Variants in TBCD observed in about 807,000 individuals in gnomAD.
TBCD encodes the protein tubulin folding cofactor D, also known as tubulin-specific chaperone D.
TBCD carries 105 observed loss-of-function variants against 169.3 expected under a neutral mutation model. The observed-to-expected ratio is 0.62, with a 90% CI of 0.53 to 0.73. TBCD has a LOEUF of 0.73. Ranked by LOEUF, TBCD falls within the 30% of genes least tolerant of loss-of-function variation. TBCD has a pLI of 0.00. For synonymous variants in TBCD, 700 were observed against 643.9 expected (o/e 1.09, Z -1.32); for missense variants, 1,444 against 1,600.1 (o/e 0.90, Z 1.66).
rs1289252851 is a variant in TBCD at position 82,874,233 on chromosome 17, T to TTTC, written c.1475+3855_1475+3857dup. Among the ~76,000 whole-genome samples the TTTC allele has an allele frequency of 6.6e-6, 1 of 151,962 alleles. No individual in the cohort carries two copies. The highest frequency in any genetic ancestry group is 1.5e-5 in the Non-Finnish European group (1 of 67,948). On this transcript the variant is annotated intron_variant, in intron 14 of 38. Transcript: ENST00000355528. This position sits in a 1 kb window ranked among gnomAD's most constrained non-coding sequence, Gnocchi z 5.0. ...GCAAGGGGGTCCTGGGACTCCTGAG[T>TTTC]TTCTCAGGCCTGAAGGACTGTAGGA...
chr17:82,886,991 G>T (rs529505422), intron 15 of TBCD, among the ~76,000 whole-genome samples: 2 of 151,894 alleles, frequency 1.3e-5, no homozygotes, highest in South Asian at 4.2e-4. Flanking sequence ...GAGTTTTAAA[G>T]ACTAATGCAG....
chr17:82,805,070 G>A (rs1006701335), intron 9 of TBCD, among the ~76,000 whole-genome samples: 3 of 152,236 alleles, frequency 2.0e-5, no homozygotes, highest in African/African-American at 7.2e-5. Flanking sequence ...AGGGCCCACA[G>A]CCAGGCGGCC....
In TBCD at chr17:82,845,959, G is replaced by A. The variant is rs184373010; in HGVS notation, c.1319-24265G>A. ...ATGAAAACTCTGCGGAAAATCCACAGGCCTGGCATCAGCCTCCCAGTCTGA... is the reference window on the plus strand; with the variant it reads ...ATGAAAACTCTGCGGAAAATCCACAAGCCTGGCATCAGCCTCCCAGTCTGA... On this transcript the variant is annotated intron_variant, in intron 13 of 38. Coordinates refer to ENST00000355528, the MANE Select transcript of TBCD (RefSeq NM_005993.5). Among the ~76,000 whole-genome samples the A allele has an allele frequency of 6.8e-4, 103 of 152,372 alleles. 1 individual carries two copies. Among genetic ancestry groups the A allele is most frequent in the Admixed American group, 6.7e-3 (102 of 15,310 alleles).
Position 82,920,492 on chromosome 17 carries a change from G to A in TBCD, c.2039-64G>A. ...ACAACTCAGAATGTGGCAAAGGCAAGCCGCTGTGGCAGGCGCTTTTAGAAA... is the reference window on the plus strand; with the variant it reads ...ACAACTCAGAATGTGGCAAAGGCAAACCGCTGTGGCAGGCGCTTTTAGAAA... On this transcript the variant is annotated intron_variant, in intron 23 of 38. Coordinates refer to ENST00000355528, the MANE Select transcript of TBCD (RefSeq NM_005993.5). This position sits in a 1 kb window ranked among gnomAD's most constrained non-coding sequence, Gnocchi z 4.1. The A allele has an allele frequency of 7.1e-7, 1 of 1,416,446 alleles. No individual in the cohort carries two copies. The highest frequency in any genetic ancestry group is 1.3e-5 in the South Asian group (1 of 78,746). 87.7% of individuals were successfully genotyped at this position (1,416,446 alleles called of 1,614,324 possible).
chr17:82,911,684 A>C, intron 22 of TBCD, 74 bp from the exon 23 acceptor site: 1 of 1,458,224 alleles, frequency 6.9e-7, no homozygotes, highest in East Asian at 2.3e-5. Flanking sequence ...CTGAGGTTAC[A>C]TTGGCAAGCA....
chr17:82,778,709 T>C (rs916218274), intron 6 of TBCD, among the ~76,000 whole-genome samples: 1 of 134,148 alleles, frequency 7.5e-6, no homozygotes, highest in Non-Finnish European at 1.6e-5. Flanking sequence ...TTGGCTCTAC[T>C]GGAGTGCAAT....
chr17:82,867,726 C>T (rs941454013), intron 13 of TBCD, among the ~76,000 whole-genome samples: 25 of 152,206 alleles, frequency 1.6e-4, no homozygotes, highest in Non-Finnish European at 1.3e-4. Context: ...TTTGGTTTCG[C>T]GTCTCACATG....
chr17:82,825,517 G>A (rs2052765232), intron 13 of TBCD, among the ~76,000 whole-genome samples: 1 of 152,200 alleles, frequency 6.6e-6, no homozygotes, highest in East Asian at 1.9e-4. Context: ...GCGTCTGACC[G>A]TGTGCCTTTT....
intron 6 of TBCD, among the ~76,000 whole-genome samples, chr17:82,779,440 G>A (rs1477562916): frequency 6.6e-6 from 1 of 152,160 alleles, no homozygotes. Context: ...TTTACTTTCT[G>A]GAAATAGGGA....
intron 13 of TBCD, among the ~76,000 whole-genome samples, chr17:82,836,209 T>C (rs1218452040): frequency 2.0e-5 from 3 of 152,360 alleles, no homozygotes; most frequent in Non-Finnish European, 4.4e-5. Context: ...AGAAGCCGGG[T>C]GCCTGGTTCC....
intron 21 of TBCD, chr17:82,908,435 G>C (rs775759396): frequency 2.2e-6 from 1 of 456,144 alleles, no homozygotes; most frequent in Non-Finnish European, 4.4e-6. Context: ...CTGTGACCCA[G>C]AGGTAAAGTA....
At chr17:82,857,537 G>A (rs2056410810) in intron 13 of TBCD, among the ~76,000 whole-genome samples, 1 of 152,038 alleles carries the variant, frequency 6.6e-6, no homozygotes, top group African/African-American at 2.4e-5. Context: ...TGTGTGATGT[G>A]TACATACACA....
intron 17 of TBCD, among the ~76,000 whole-genome samples, chr17:82,894,358 C>T (rs1416519345): frequency 6.6e-6 from 1 of 152,116 alleles, no homozygotes; most frequent in Non-Finnish European, 1.5e-5. Flanking sequence ...CTCTGTTGCC[C>T]AGGCTGGAGT....
At chr17:82,752,732 G>A (rs2047172429) in intron 1 of TBCD, among the ~76,000 whole-genome samples, 1 of 152,310 alleles carries the variant, frequency 6.6e-6, no homozygotes, top group East Asian at 1.9e-4. Context: ...GGGAGACTCG[G>A]GCCAGACCCC....
At position 82,831,307 on chromosome 17, in the gene TBCD, T is replaced by G. The variant is rs2053488734; in HGVS notation, c.1318+16373T>G. 1.2e-6 allele frequency: 2 copies of G among 1,614,016 alleles called. No individual in the cohort carries two copies. Among genetic ancestry groups the G allele is most frequent in the African/African-American group, 2.7e-5 (2 of 75,054 alleles). On this transcript the variant is annotated intron_variant, in intron 13 of 38. Transcript: ENST00000355528. The surrounding 1 kb of genome is among the most constrained non-coding windows in gnomAD (Gnocchi z 4.6). ...CCCAGCCTTGGAGGAGTCTTTAGCC[T>G]CAGGAATTGGACTTTCGAACTCGAC...
In TBCD at chr17:82,806,769, C is replaced by T. The variant is rs529742588; in HGVS notation, c.1087+758C>T. 6.6e-4 allele frequency among the ~76,000 whole-genome samples: 100 copies of T among 152,190 alleles called. No homozygotes were observed. The highest frequency in any genetic ancestry group is 1.2e-3 in the Non-Finnish European group (80 of 68,028). ...CCCACCTCGACCGTGACCATCAGGG[C>T]GCCTGTGGCACCGTTGCCAGCCCCG... On this transcript the variant is annotated intron_variant, in intron 10 of 38. Coordinates refer to ENST00000355528, the MANE Select transcript of TBCD (RefSeq NM_005993.5). The surrounding 1 kb of genome is among the most constrained non-coding windows in gnomAD (Gnocchi z 5.1).
At chr17:82,841,062 C>T (rs1461696228) in intron 13 of TBCD, among the ~76,000 whole-genome samples, 1 of 147,938 alleles carries the variant, frequency 6.8e-6, no homozygotes, top group Non-Finnish European at 1.5e-5. Context: ...CCTGCCTCAG[C>T]CTCCCGAGTA....
intron 16 of TBCD, among the ~76,000 whole-genome samples, chr17:82,891,892 G>C (rs1396589617): frequency 6.6e-6 from 1 of 152,170 alleles, no homozygotes; most frequent in Non-Finnish European, 1.5e-5. Context: ...TGAGCAGGTT[G>C]TGACTAACCC....
chr17:82,900,120 C>T (rs2059787599), intron 17 of TBCD, among the ~76,000 whole-genome samples: 1 of 152,232 alleles, frequency 6.6e-6, no homozygotes, highest in Admixed American at 6.5e-5. Flanking sequence ...CGCACAGCTT[C>T]CTGTGTGTGA....
Sources: allele counts gnomAD v4.1 joint callset (sites outside exome capture counted in the v4.1 genomes callset), GRCh38; gene constraint gnomAD v4.1.1; non-coding constraint Gnocchi (gnomAD v3.1); transcripts MANE v1.5; gene names NCBI Gene and HGNC (gene_info 2026-07-23, HGNC 2026-07-21).